PRKD1: variants seen among roughly 807,000 people sequenced by gnomAD.
PRKD1 encodes the protein protein kinase D1.
In PRKD1, 63 loss-of-function variants were observed where a neutral mutation model predicts 95.9. That is an observed-to-expected ratio of 0.66 (90% CI 0.54 to 0.81). The LOEUF is 0.81. Among genes scored for constraint, PRKD1 ranks in the 30% least tolerant of loss-of-function variants. PRKD1 has a pLI of 0.00. For synonymous variants in PRKD1, 425 were observed against 423.1 expected (o/e 1.00, Z -0.05); for missense variants, 1,048 against 1,165.3 (o/e 0.90, Z 1.47).
chr14:29,826,849 A>ATATATATATATG (rs1891210474), intron 1 of PRKD1, among the ~76,000 whole-genome samples: 1 of 70,382 alleles, frequency 1.4e-5, no homozygotes, highest in African/African-American at 8.0e-5. Flanking sequence ...ACACACATAT[A>ATATATATATATG]TATATATATA....
At chr14:29,727,610 T>C (rs557725667) in intron 1 of PRKD1, among the ~76,000 whole-genome samples, 1 of 151,172 alleles carries the variant, frequency 6.6e-6, no homozygotes, top group African/African-American at 2.4e-5. Context: ...GCTTTCTACA[T>C]ATGGCTAGCC....
intron 12 of PRKD1, among the ~76,000 whole-genome samples, chr14:29,625,634 T>C (rs770699497): frequency 3.3e-5 from 5 of 152,174 alleles, no homozygotes; most frequent in African/African-American, 7.2e-5. Flanking sequence ...AACGGTACAA[T>C]GGTTAGTGGC....
At chr14:29,860,231 G>GT (rs1253601372) in intron 1 of PRKD1, among the ~76,000 whole-genome samples, 3 of 152,210 alleles carry the variant, frequency 2.0e-5, no homozygotes, top group South Asian at 2.1e-4. Flanking sequence ...CAGGCACCTT[G>GT]TTTTTTTAGA....
chr14:29,636,530 G>C, intron 6 of PRKD1, 36 bp from the exon 7 acceptor site: 1 of 1,607,148 alleles, frequency 6.2e-7, no homozygotes, highest in East Asian at 2.2e-5. Flanking sequence ...GATAAGCCTG[G>C]AATCTTGGAG....
intron 11 of PRKD1, among the ~76,000 whole-genome samples, 181 bp downstream of exon 11, chr14:29,628,860 T>C (rs760392683): frequency 8.7e-5 from 12 of 137,216 alleles, no homozygotes; most frequent in Non-Finnish European, 1.7e-4. Context: ...GAATTGATTA[T>C]AGAAAAATTA....
At chr14:29,889,698 A>G (rs930991508) in intron 1 of PRKD1, among the ~76,000 whole-genome samples, 3 of 152,192 alleles carry the variant, frequency 2.0e-5, no homozygotes, top group Non-Finnish European at 4.4e-5. Flanking sequence ...ACGAGAACAC[A>G]TGAACACAGG....
chr14:29,733,672 T>A (rs372744848), intron 1 of PRKD1, among the ~76,000 whole-genome samples: 30 of 152,110 alleles, frequency 2.0e-4, no homozygotes, highest in African/African-American at 6.7e-4. Flanking sequence ...TTAGATCTCA[T>A]AAGAACTCAC....
At chr14:29,648,225 T>C (rs1359047200) in intron 4 of PRKD1, among the ~76,000 whole-genome samples, 1 of 152,210 alleles carries the variant, frequency 6.6e-6, no homozygotes, top group Non-Finnish European at 1.5e-5. Context: ...GGACAATCAA[T>C]TCTTTAACTT....
At chr14:29,771,706 T>A (rs2139139789) in intron 1 of PRKD1, among the ~76,000 whole-genome samples, 2 of 151,660 alleles carry the variant, frequency 1.3e-5, no homozygotes, top group South Asian at 4.2e-4. Context: ...CCTGGGAGAG[T>A]CATGAGTATG....
At chr14:29,874,738 CA>C (rs1893226915) in intron 1 of PRKD1, among the ~76,000 whole-genome samples, 1 of 152,022 alleles carries the variant, frequency 6.6e-6, no homozygotes. Context: ...AACCCAGGCA[CA>C]AAAAGACAAA....
chr14:29,851,777 A>ATTTATAT (rs1566636617), intron 1 of PRKD1, among the ~76,000 whole-genome samples: 1 of 150,784 alleles, frequency 6.6e-6, no homozygotes, highest in African/African-American at 2.5e-5. Context: ...AGACACATAC[A>ATTTATAT]CTTATATGTT....
At chr14:29,879,632 G>A (rs926493990) in intron 1 of PRKD1, among the ~76,000 whole-genome samples, 1 of 152,192 alleles carries the variant, frequency 6.6e-6, no homozygotes, top group Non-Finnish European at 1.5e-5. Context: ...CTTTGGAACT[G>A]GGTAAGAGAC....
At position 29,599,124 on chromosome 14, in the gene PRKD1, A is replaced by G; in HGVS notation, c.2069T>C (p.Ile690Thr). The change falls in exon 15 of 18, where the codon ATA (isoleucine) becomes ACA (threonine). Residue 690 changes from isoleucine to threonine, a missense_variant and splice_region_variant. Around this residue, in one of 3 missense-constraint regions of PRKD1, gnomAD observed 739 missense variants for 861.9 expected, o/e 0.86. Transcript: ENST00000331968. ...ATGAAGGTGCCGCAAAGCCACGAGT[A>G]TCTGTAAAGAAGAATCACCAAAATT... ...EHITKFLITQ[I>T]LVALRHLHFK... The G allele has an allele frequency of 6.2e-7, 1 of 1,612,116 alleles. No individual in the cohort carries two copies. Among genetic ancestry groups the G allele is most frequent in the Non-Finnish European group, 8.5e-7 (1 of 1,178,368 alleles).
intron 2 of PRKD1, among the ~76,000 whole-genome samples, chr14:29,695,879 A>G (rs926124075): frequency 6.6e-6 from 1 of 152,352 alleles, no homozygotes; most frequent in Admixed American, 6.5e-5. Context: ...TAAATGTAAA[A>G]TGGAAATATC....
At chr14:29,839,785 T>G (rs1175662412) in intron 1 of PRKD1, among the ~76,000 whole-genome samples, 1 of 152,108 alleles carries the variant, frequency 6.6e-6, no homozygotes, top group Non-Finnish European at 1.5e-5. Flanking sequence ...GCTTGAGGCT[T>G]GCACCCTGTG....
chr14:29,673,043 T>C (rs1024771401), intron 2 of PRKD1, among the ~76,000 whole-genome samples: 4 of 152,206 alleles, frequency 2.6e-5, no homozygotes, highest in African/African-American at 9.7e-5. Context: ...GAAGGATCCT[T>C]TATTTCTTTT....
At chr14:29,831,282 T>A (rs1891401326) in intron 1 of PRKD1, among the ~76,000 whole-genome samples, 1 of 152,092 alleles carries the variant, frequency 6.6e-6, no homozygotes, top group African/African-American at 2.4e-5. Context: ...CAAAAGCTTA[T>A]AAGATTTTCA....
intron 2 of PRKD1, among the ~76,000 whole-genome samples, chr14:29,689,080 A>C (rs537766720): frequency 6.6e-6 from 1 of 152,118 alleles, no homozygotes; most frequent in African/African-American, 2.4e-5. Context: ...AAAATGCCAA[A>C]AGCAATTGCA....
At chr14:29,637,381 T>G (rs1880455880) in intron 6 of PRKD1, among the ~76,000 whole-genome samples, 1 of 152,214 alleles carries the variant, frequency 6.6e-6, no homozygotes, top group Admixed American at 6.5e-5. Flanking sequence ...TAAAATTACT[T>G]ACTAATGCAA....
Sources: gnomAD v4.1 joint callset for allele counts (sites outside exome capture counted in the v4.1 genomes callset) on GRCh38, gnomAD v4.1.1 for gene constraint, gnomAD v4.1.1 regional missense constraint, MANE v1.5 for transcripts, NCBI Gene and HGNC (gene_info 2026-07-23, HGNC 2026-07-21) for gene names.